HRH1: variants seen among roughly 807,000 people sequenced by gnomAD.
The protein encoded by HRH1 is histamine receptor H1.
In HRH1, 6 loss-of-function variants were observed where a neutral mutation model predicts 10.3. The ratio of observed to expected loss-of-function variants is 0.58; its 90% confidence interval spans 0.32 to 1.15. HRH1 has a LOEUF of 1.15. HRH1 is among the 50% of genes most tolerant of loss of function. HRH1 has a pLI of 0.05. For missense variants in HRH1, 514 were observed against 615.3 expected, an observed-to-expected ratio of 0.84 and a Z score of 1.74; for synonymous variants, 242 against 236.7, an observed-to-expected ratio of 1.02 and a Z score of -0.21.
intron 1 of HRH1, among the ~76,000 whole-genome samples, chr3:11,239,563 G>C (rs1164030477): frequency 2.6e-5 from 4 of 152,072 alleles, no homozygotes; most frequent in Non-Finnish European, 4.4e-5. Flanking sequence ...TATGCCTTTG[G>C]TGCTGTGTCT....
At chr3:11,228,242 G>C (rs1251785563) in intron 1 of HRH1, among the ~76,000 whole-genome samples, 3 of 152,180 alleles carry the variant, frequency 2.0e-5, no homozygotes, top group Admixed American at 2.0e-4. Context: ...ATCCAGGCCA[G>C]GCACAGTGGC....
chr3:11,193,446 C>T (rs565109645), intron 1 of HRH1, among the ~76,000 whole-genome samples: 20 of 152,278 alleles, frequency 1.3e-4, no homozygotes. Context: ...GGCTTATAAA[C>T]GACAGAAATT....
intron 1 of HRH1, chr3:11,234,313 T>A: frequency 6.3e-7 from 1 of 1,579,452 alleles, no homozygotes; most frequent in Non-Finnish European, 8.7e-7. Flanking sequence ...TTTCTTCTGC[T>A]TGTTCTGCTG....
intron 1 of HRH1, among the ~76,000 whole-genome samples, chr3:11,183,590 C>T (rs554007435): frequency 6.6e-6 from 1 of 152,290 alleles, no homozygotes; most frequent in African/African-American, 2.4e-5. Flanking sequence ...CTGCTCTCCC[C>T]GTGGGCCCTG....
chr3:11,165,365 A>G (rs1053381473), intron 1 of HRH1, among the ~76,000 whole-genome samples: 10 of 152,322 alleles, frequency 6.6e-5, no homozygotes, highest in South Asian at 2.1e-4. Flanking sequence ...CTGGGCATAT[A>G]TCCTTTTTCC....
At chr3:11,141,574 G>C (rs1434305480) in intron 1 of HRH1, among the ~76,000 whole-genome samples, 2 of 152,088 alleles carry the variant, frequency 1.3e-5, no homozygotes, top group Admixed American at 1.3e-4. Flanking sequence ...TTGGTGGGAG[G>C]CATTGGTTCT....
chr3:11,233,779 C>T lies in HRH1; in HGVS notation c.-35-25224C>T, dbSNP rs1389835880. 3.3e-5 allele frequency among the ~76,000 whole-genome samples: 5 copies of T among 152,182 alleles called. No homozygotes were observed. The East Asian group carries it at 5.8e-4, about 18-fold the overall frequency. ...GAGGTCAGGATGGGTTTGCAGAAAT[C>T]GTATCTGACCATCTGGCCTCTGCTA... On this transcript the variant is annotated intron_variant, in intron 1 of 1. Coordinates refer to ENST00000431010, the MANE Select transcript of HRH1 (RefSeq NM_001098212.2).
intron 1 of HRH1, among the ~76,000 whole-genome samples, chr3:11,197,989 T>C (rs1937733091): frequency 6.6e-6 from 1 of 152,154 alleles, no homozygotes; most frequent in South Asian, 2.1e-4. Flanking sequence ...ACTCTGCTTG[T>C]TGTTCGGCAT....
chr3:11,257,850 G>A (rs1939822962), intron 1 of HRH1, among the ~76,000 whole-genome samples: 3 of 152,092 alleles, frequency 2.0e-5, no homozygotes, highest in Non-Finnish European at 4.4e-5. Context: ...GGATTCCACT[G>A]TGTTGCCCAG....
chr3:11,224,646 G>C (rs2125041591), intron 1 of HRH1, among the ~76,000 whole-genome samples: 2 of 151,570 alleles, frequency 1.3e-5, no homozygotes, highest in South Asian at 4.2e-4. Flanking sequence ...CTTGCAGCGA[G>C]CCGAGTATGC....
chr3:11,259,703 G>T lies in HRH1; in HGVS notation c.666G>T (p.Gln222His), dbSNP rs201450416. Residue 222 changes from glutamine (Q) to histidine (H), a missense_variant, in exon 2 of 2, where the codon CAG becomes CAT. Gln to His is a conservative substitution (Grantham distance 24). Coordinates refer to ENST00000431010, the MANE Select transcript of HRH1 (RefSeq NM_001098212.2). The surrounding 1 kb of genome is among the most constrained non-coding windows in gnomAD (Gnocchi z 4.6). ...KIYKAVRQHC[Q>H]HRELINRSLP... is the part of the protein sequence containing the mutation. Reference sequence around the variant, plus strand: ...ACAAGGCCGTACGACAACACTGCCAGCACCGGGAGCTCATCAATAGGTCCC... The same window carrying T: ...ACAAGGCCGTACGACAACACTGCCATCACCGGGAGCTCATCAATAGGTCCC... 1.9e-6 allele frequency: 3 copies of T among 1,614,060 alleles called. No individual in the cohort carries two copies. In the South Asian group the frequency reaches 3.3e-5, roughly 18 times the overall value.
At chr3:11,172,548 G>T (rs1324840974) in intron 1 of HRH1, among the ~76,000 whole-genome samples, 1 of 152,114 alleles carries the variant, frequency 6.6e-6, no homozygotes, top group Admixed American at 6.5e-5. Context: ...CAATTTAGGA[G>T]CTGCTTGCTA....
chr3:11,261,167 G>A lies in HRH1; in HGVS notation c.*666G>A, dbSNP rs1293801972. On this transcript the variant is annotated 3_prime_UTR_variant, in exon 2 of 2. Coordinates refer to ENST00000431010, the MANE Select transcript of HRH1 (RefSeq NM_001098212.2). ...TTCTTACTCAAACATGTTTAGAGTGGATAGAAAATTATGCAGCTTGCACAC... is the reference window on the plus strand; with the variant it reads ...TTCTTACTCAAACATGTTTAGAGTGAATAGAAAATTATGCAGCTTGCACAC... 6.0e-6 allele frequency: 1 copy of A among 167,088 alleles called. No homozygotes were observed. Among genetic ancestry groups the A allele is most frequent in the Non-Finnish European group, 1.5e-5 (1 of 68,130 alleles). 10.4% of individuals were successfully genotyped at this position (167,088 alleles called of 1,614,324 possible).
In HRH1 at chr3:11,260,782, A is replaced by C. The variant is rs1236057141; in HGVS notation, c.*281A>C. On this transcript the variant is annotated 3_prime_UTR_variant, in exon 2 of 2. Coordinates refer to ENST00000431010, the MANE Select transcript of HRH1 (RefSeq NM_001098212.2). ...TCAAAAAGAAAAAAATAATAAAAAT[A>C]AAAGAGAGAGAGAATCAGACCTGGG... The C allele has an allele frequency of 2.6e-6, 1 of 379,442 alleles. No homozygotes were observed. Among genetic ancestry groups the C allele is most frequent in the Non-Finnish European group, 4.9e-6 (1 of 203,146 alleles). The allele number at this position is 379,442 out of a possible 1,614,324, so 23.5% of individuals were successfully genotyped here.
Position 11,256,569 on chromosome 3 carries a change from G to A in HRH1, c.-35-2434G>A, listed in dbSNP as rs55914137. Among the ~76,000 whole-genome samples the A allele has an allele frequency of 5.4e-3, 823 of 152,232 alleles. 6 individuals are homozygous for A. Among genetic ancestry groups the A allele is most frequent in the African/African-American group, 0.018 (748 of 41,556 alleles). On this transcript the variant is annotated intron_variant, in intron 1 of 1. Coordinates refer to ENST00000431010, the MANE Select transcript of HRH1 (RefSeq NM_001098212.2). The stretch of plus-strand genomic sequence containing the variant: ...TAATCCCAGCACTTTGGGAGGCTGA[G>A]GTGGGTGGATCATGAGGTCAGGAGA...
intron 1 of HRH1, among the ~76,000 whole-genome samples, chr3:11,215,429 G>GT (rs1425741840): frequency 1.4e-4 from 21 of 151,930 alleles, no homozygotes; most frequent in East Asian, 3.9e-4. Flanking sequence ...GTGTTTTTGG[G>GT]TTTTTTTTGT....
At chr3:11,210,804 A>AG (rs1250459089) in intron 1 of HRH1, among the ~76,000 whole-genome samples, 1 of 151,738 alleles carries the variant, frequency 6.6e-6, no homozygotes, top group African/African-American at 2.4e-5. Flanking sequence ...AAAGAAAAAA[A>AG]AAAAAAAAGC....
At chr3:11,238,059 T>C (rs1355784682) in intron 1 of HRH1, among the ~76,000 whole-genome samples, 2 of 151,998 alleles carry the variant, frequency 1.3e-5, no homozygotes, top group Admixed American at 6.6e-5. Context: ...TTTGTTTGTT[T>C]GTTTGTTTTG....
intron 1 of HRH1, among the ~76,000 whole-genome samples, chr3:11,142,844 G>A (rs1229840087): frequency 6.6e-6 from 1 of 152,120 alleles, no homozygotes; most frequent in East Asian, 1.9e-4. Context: ...TACCAGGTAG[G>A]TGGAGGTTGC....
Sources: gnomAD v4.1 joint callset for allele counts (sites outside exome capture counted in the v4.1 genomes callset) on GRCh38, gnomAD v4.1.1 for gene constraint, Gnocchi (gnomAD v3.1) non-coding constraint, MANE v1.5 for transcripts, NCBI Gene and HGNC (gene_info 2026-07-23, HGNC 2026-07-21) for gene names.